Variants in HSF5 observed in about 807,000 individuals in gnomAD.
HSF5 encodes the protein heat shock transcription factor 5.
In HSF5, 5 loss-of-function variants were observed where a neutral mutation model predicts 50.8. That is an observed-to-expected ratio of 0.10 (90% CI 0.05 to 0.21). HSF5 has a LOEUF of 0.21. Among genes scored for constraint, HSF5 ranks in the 10% least tolerant of loss-of-function variants. HSF5 has a pLI of 1.00. For missense variants in HSF5, 564 were observed against 762.6 expected (o/e 0.74, Z 3.07); for synonymous variants, 307 against 307.4 (o/e 1.00, Z 0.02).
chr17:58,471,168 G>T (rs984195091), intron 2 of HSF5, among the ~76,000 whole-genome samples: 2 of 152,022 alleles, frequency 1.3e-5, no homozygotes, highest in African/African-American at 4.8e-5. Flanking sequence ...ACTTAATGTT[G>T]CAAAACAGTA....
chr17:58,479,651 CA>C (rs1293161227), intron 2 of HSF5, among the ~76,000 whole-genome samples: 1 of 152,098 alleles, frequency 6.6e-6, no homozygotes, highest in Non-Finnish European at 1.5e-5. Context: ...TTTGAATATA[CA>C]AGTTTCACTA....
intron 5 of HSF5, among the ~76,000 whole-genome samples, chr17:58,432,501 A>G (rs954217785): frequency 1.3e-5 from 2 of 152,194 alleles, no homozygotes; most frequent in Non-Finnish European, 2.9e-5. Context: ...TTTCAGGCAG[A>G]GACAATAGCA....
chr17:58,454,500 G>C (rs1567911339), intron 5 of HSF5, among the ~76,000 whole-genome samples: 1 of 152,156 alleles, frequency 6.6e-6, no homozygotes, highest in East Asian at 1.9e-4. Flanking sequence ...TTAGGCAAGA[G>C]AAAGAAATAA....
chr17:58,422,971 C>G (rs985814668), intron 5 of HSF5, among the ~76,000 whole-genome samples: 17 of 152,172 alleles, frequency 1.1e-4, no homozygotes, highest in Admixed American at 5.9e-4. Context: ...GCTGGGATGA[C>G]AGGCGTGAGC....
Position 58,488,203 on chromosome 17 carries a change from G to T in HSF5, c.72C>A (p.Ser24Arg). ...CCCAGCGGATGGAGCGGTAGCGCGG[G>T]CTGTTCACCAGGCGCCACAGCTTGG... ...FPAKLWRLVN[S>R]PRYRSIRWDG... Residue 24 changes from serine to arginine, a missense_variant, in exon 1 of 6, where the codon AGC becomes AGA. This residue lies in a region of HSF5 where 72 missense variants were observed against 110.9 expected (regional missense o/e 0.65). Transcript: ENST00000323777. The surrounding 1 kb of genome is among the most constrained non-coding windows in gnomAD (Gnocchi z 4.1). The T allele has an allele frequency of 6.6e-7, 1 of 1,525,876 alleles. No homozygotes were observed. The highest frequency in any genetic ancestry group is 8.7e-7 in the Non-Finnish European group (1 of 1,149,840). 94.5% of individuals were successfully genotyped at this position (1,525,876 alleles called of 1,614,324 possible). A position where few individuals can be genotyped will look rare whatever the true frequency, so the allele number is the denominator to read the frequency against.
At position 58,456,151 on chromosome 17, in the gene HSF5, A is replaced by G. The variant is rs1034970901; in HGVS notation, c.1720+2617T>C. The stretch of plus-strand genomic sequence containing the variant: ...TATATGTGTGTGTGTATATATATAT[A>G]TGTGTGTGTGTATATACACACACAC... On this transcript the variant is annotated intron_variant, in intron 5 of 5. Transcript: ENST00000323777. Among the ~76,000 whole-genome samples, 164 of 126,862 alleles carry G rather than the reference A, an allele frequency of 1.3e-3. 1 individual carries two copies. Among genetic ancestry groups the G allele is most frequent in the Non-Finnish European group, 2.2e-3 (132 of 60,266 alleles). The allele number at this position is 126,862 out of a possible 152,430, so 83.2% of individuals were successfully genotyped here.
intron 5 of HSF5, among the ~76,000 whole-genome samples, chr17:58,422,808 G>T (rs1238529775): frequency 1.3e-5 from 2 of 149,454 alleles, no homozygotes; most frequent in Non-Finnish European, 3.0e-5. Context: ...TGATTATCCT[G>T]CCTCAGCCTC....
chr17:58,483,574 C>G (rs1567920018), intron 1 of HSF5, among the ~76,000 whole-genome samples: 1 of 152,098 alleles, frequency 6.6e-6, no homozygotes, highest in African/African-American at 2.4e-5. Context: ...TATGGAAGTG[C>G]GTCTGAATTA....
intron 1 of HSF5, among the ~76,000 whole-genome samples, chr17:58,484,143 T>G (rs534126964): frequency 6.6e-6 from 1 of 150,490 alleles, no homozygotes; most frequent in South Asian, 2.1e-4. Flanking sequence ...GAACCAAACC[T>G]ATGGTATAGA....
intron 5 of HSF5, among the ~76,000 whole-genome samples, chr17:58,436,073 A>G (rs1445954156): frequency 6.6e-6 from 1 of 152,184 alleles, no homozygotes; most frequent in Non-Finnish European, 1.5e-5. Flanking sequence ...TCAGTTAGGT[A>G]AACACGTCCA....
chr17:58,473,272 T>C (rs1237107004), intron 2 of HSF5, among the ~76,000 whole-genome samples: 5 of 152,056 alleles, frequency 3.3e-5, no homozygotes, highest in Admixed American at 2.6e-4. Flanking sequence ...TAAGTATGTG[T>C]TAATAAAAAA....
intron 5 of HSF5, among the ~76,000 whole-genome samples, chr17:58,441,104 C>T (rs1003612933): frequency 6.6e-6 from 1 of 152,070 alleles, no homozygotes; most frequent in African/African-American, 2.4e-5. Flanking sequence ...TACACTGGGC[C>T]ATGAAACAAG....
intron 1 of HSF5, 84 bp downstream of exon 1, chr17:58,487,641 T>C: frequency 7.5e-7 from 1 of 1,337,832 alleles, no homozygotes; most frequent in Non-Finnish European, 9.5e-7. Flanking sequence ...CGTGAGGACG[T>C]GCGAAAATGC....
chr17:58,441,653 T>C (rs1244069644), intron 5 of HSF5, among the ~76,000 whole-genome samples: 2 of 151,316 alleles, frequency 1.3e-5, no homozygotes, highest in Admixed American at 1.3e-4. Flanking sequence ...TTCAGATGAG[T>C]CCATGAAGGA....
At chr17:58,436,721 G>C (rs934664388) in intron 5 of HSF5, among the ~76,000 whole-genome samples, 2 of 152,116 alleles carry the variant, frequency 1.3e-5, no homozygotes, top group Middle Eastern at 3.4e-3. Flanking sequence ...GATTGTTCTG[G>C]TTGGGAAAAA....
chr17:58,474,766 G>A (rs1240823835), intron 2 of HSF5, among the ~76,000 whole-genome samples: 3 of 152,124 alleles, frequency 2.0e-5, no homozygotes, highest in African/African-American at 7.2e-5. Context: ...TTTCAGGCTG[G>A]AATGCAGTGG....
intron 5 of HSF5, among the ~76,000 whole-genome samples, chr17:58,428,674 A>C (rs1303773281): frequency 6.6e-6 from 1 of 152,076 alleles, no homozygotes; most frequent in Admixed American, 6.6e-5. Flanking sequence ...AAAATAAAAA[A>C]CCACAACGAA....
intron 5 of HSF5, among the ~76,000 whole-genome samples, chr17:58,457,432 C>G (rs1479312087): frequency 6.6e-6 from 1 of 151,888 alleles, no homozygotes; most frequent in Non-Finnish European, 1.5e-5. Context: ...AACCCCATCT[C>G]TACTAAAAAT....
chr17:58,469,161 A>G (rs1227231438), intron 2 of HSF5, among the ~76,000 whole-genome samples: 1 of 151,570 alleles, frequency 6.6e-6, no homozygotes, highest in Non-Finnish European at 1.5e-5. Context: ...CTAGCCACCC[A>G]GAAGTAGAGA....
Sources: allele counts gnomAD v4.1 joint callset (sites outside exome capture counted in the v4.1 genomes callset), GRCh38; gene constraint gnomAD v4.1.1; regional missense constraint gnomAD v4.1.1; non-coding constraint Gnocchi (gnomAD v3.1); transcripts MANE v1.5; gene names NCBI Gene and HGNC (gene_info 2026-07-23, HGNC 2026-07-21).